ZC3H12B: variants seen among roughly 807,000 people sequenced by gnomAD.
ZC3H12B encodes the protein zinc finger CCCH-type containing 12B, also known as probable ribonuclease ZC3H12B.
Under a neutral mutation model 43.9 loss-of-function variants are expected in ZC3H12B, and 7 were observed. The observed-to-expected ratio is 0.16, with a 90% CI of 0.09 to 0.30. ZC3H12B has a LOEUF of 0.30. Among genes scored for constraint, ZC3H12B ranks in the 10% least tolerant of loss-of-function variants. ZC3H12B has a pLI of 1.00. For missense variants in ZC3H12B, 475 were observed against 670.2 expected, an observed-to-expected ratio of 0.71 and a Z score of 3.22; for synonymous variants, 222 against 241.7, an observed-to-expected ratio of 0.92 and a Z score of 0.76.
the ZC3H12B span, among the ~76,000 whole-genome samples, chrX:65,189,894 A>C: frequency 7.4e-5 from 8 of 108,273 alleles, no homozygotes; most frequent in Non-Finnish European, 1.5e-4. Context: ...CTGAATGGTA[A>C]TGCCTAGATT....
At chrX:65,103,720 C>T in the ZC3H12B span, among the ~76,000 whole-genome samples, 1 of 111,262 alleles carries the variant, frequency 9.0e-6, no homozygotes, top group African/African-American at 3.3e-5. Context: ...TTCAGCCAGT[C>T]CCTCTGTTTG....
chrX:65,472,718 T>C (rs2067933602), intron 3 of ZC3H12B, among the ~76,000 whole-genome samples: 1 of 103,875 alleles, frequency 9.6e-6, no homozygotes, highest in African/African-American at 3.5e-5. Context: ...TTGTAGAAAA[T>C]CAATTGACTG....
chrX:65,157,975 A>C, the ZC3H12B span, among the ~76,000 whole-genome samples: 1 of 86,935 alleles, frequency 1.2e-5, no homozygotes, highest in African/African-American at 4.2e-5. Flanking sequence ...TCCTGTGGCC[A>C]TGTGTTCTCA....
At chrX:65,332,130 C>T in the ZC3H12B span, among the ~76,000 whole-genome samples, 2 of 110,621 alleles carry the variant, frequency 1.8e-5, no homozygotes, top group Non-Finnish European at 3.8e-5. Flanking sequence ...TGCTCTGGTT[C>T]GAATACCTCT....
the ZC3H12B span, among the ~76,000 whole-genome samples, chrX:65,170,287 T>G: frequency 9.0e-6 from 1 of 111,718 alleles, no homozygotes; most frequent in African/African-American, 3.3e-5. Flanking sequence ...TCTCCTTCAC[T>G]TATGAAGCTT....
chrX:65,224,215 A>G, the ZC3H12B span, among the ~76,000 whole-genome samples: 14 of 112,789 alleles, frequency 1.2e-4, no homozygotes, highest in Admixed American at 1.3e-3. Flanking sequence ...AAAACCAAAC[A>G]TCATATGTTC....
At chrX:65,093,038 G>T in the ZC3H12B span, among the ~76,000 whole-genome samples, 3 of 111,893 alleles carry the variant, frequency 2.7e-5, no homozygotes, top group South Asian at 1.1e-3. Context: ...TTGGGACACT[G>T]CTCTCTGCAT....
the ZC3H12B span, among the ~76,000 whole-genome samples, chrX:65,328,736 C>A: frequency 2.6e-5 from 2 of 75,891 alleles, no homozygotes; most frequent in Non-Finnish European, 4.7e-5. Context: ...GTGTGATGTT[C>A]CCCTTCCTGT....
At chrX:65,235,022 T>A in the ZC3H12B span, among the ~76,000 whole-genome samples, 1 of 112,120 alleles carries the variant, frequency 8.9e-6, no homozygotes, top group East Asian at 2.8e-4. Flanking sequence ...GGACATGGCC[T>A]TGTTCATTCT....
the ZC3H12B span, among the ~76,000 whole-genome samples, chrX:65,314,016 C>T: frequency 9.0e-6 from 1 of 111,575 alleles, no homozygotes; most frequent in East Asian, 2.8e-4. Flanking sequence ...AATACAGAAT[C>T]TGATATTTTA....
chrX:65,114,443 A>G, the ZC3H12B span, among the ~76,000 whole-genome samples: 1 of 110,379 alleles, frequency 9.1e-6, no homozygotes, highest in African/African-American at 3.3e-5. Context: ...TTCTAATAAT[A>G]TATTTCATAT....
intron 2 of ZC3H12B, among the ~76,000 whole-genome samples, chrX:65,391,721 T>TTCTCCC (rs202197705): frequency 9.0e-6 from 1 of 110,559 alleles, no homozygotes; most frequent in Non-Finnish European, 1.9e-5. Context: ...AAATTCAACA[T>TTCTCCC]TCTCCCTCTC....
At chrX:65,098,123 T>C in the ZC3H12B span, among the ~76,000 whole-genome samples, 4 of 110,479 alleles carry the variant, frequency 3.6e-5, no homozygotes, top group Non-Finnish European at 7.6e-5. Context: ...TTAGAATGTG[T>C]GTGCATCTCA....
chrX:65,263,352 G>C, the ZC3H12B span, among the ~76,000 whole-genome samples: 2 of 110,940 alleles, frequency 1.8e-5, no homozygotes, highest in African/African-American at 6.5e-5. Flanking sequence ...GCTTAGTAGG[G>C]AGAGTAAATG....
At chrX:65,157,554 T>C in the ZC3H12B span, among the ~76,000 whole-genome samples, 7 of 111,524 alleles carry the variant, frequency 6.3e-5, no homozygotes, top group Non-Finnish European at 1.1e-4. Flanking sequence ...AGTACATTTT[T>C]CCCCACTGTT....
the ZC3H12B span, among the ~76,000 whole-genome samples, chrX:65,340,573 G>A: frequency 2.7e-5 from 3 of 111,978 alleles, no homozygotes; most frequent in Non-Finnish European, 3.8e-5. Context: ...TTTAGAGCAG[G>A]CAGTTCAGGA....
At chrX:65,122,825 G>C in the ZC3H12B span, among the ~76,000 whole-genome samples, 1 of 111,514 alleles carries the variant, frequency 9.0e-6, no homozygotes, top group African/African-American at 3.3e-5. Context: ...AATTCAACAG[G>C]AAGAGCTAAC....
the ZC3H12B span, among the ~76,000 whole-genome samples, chrX:65,077,974 T>C: frequency 1.8e-5 from 2 of 112,239 alleles, no homozygotes; most frequent in Non-Finnish European, 3.8e-5. Flanking sequence ...GAAAAGTAAG[T>C]TCACAACATC....
the ZC3H12B span, among the ~76,000 whole-genome samples, chrX:65,314,293 T>C: frequency 9.0e-6 from 1 of 111,613 alleles, no homozygotes; most frequent in Non-Finnish European, 1.9e-5. Context: ...GTGAAATATG[T>C]AAATTTACAC....
Sources: allele counts gnomAD v4.1 joint callset (sites outside exome capture counted in the v4.1 genomes callset), GRCh38; gene constraint gnomAD v4.1.1; transcripts MANE v1.5; gene names NCBI Gene and HGNC (gene_info 2026-07-23, HGNC 2026-07-21).